The following SGCD variants were observed in gnomAD, a reference collection of about 807,000 sequenced individuals.
SGCD encodes sarcoglycan delta, also known as delta-sarcoglycan.
In SGCD, 18 loss-of-function variants were observed where a neutral mutation model predicts 36.6. The ratio of observed to expected loss-of-function variants is 0.49; its 90% confidence interval spans 0.34 to 0.73. SGCD has a LOEUF of 0.73. Ranked by LOEUF, SGCD falls within the 30% of genes least tolerant of loss-of-function variation. The pLI, the probability that SGCD is intolerant of heterozygous loss-of-function variation, is 0.01. For synonymous variants in SGCD, 133 were observed against 130.6 expected, an observed-to-expected ratio of 1.02 and a Z score of -0.12; for missense variants, 387 against 346.7, an observed-to-expected ratio of 1.12 and a Z score of -0.92.
chr5:155,835,079 C>G, the SGCD span, among the ~76,000 whole-genome samples: 1 of 142,116 alleles, frequency 7.0e-6, no homozygotes, highest in Non-Finnish European at 1.5e-5. Context: ...GTGATCTCGG[C>G]TCAACGCAAT....
chr5:156,232,599 G>C (rs1765047124), intron 3 of SGCD, among the ~76,000 whole-genome samples: 2 of 152,188 alleles, frequency 1.3e-5, no homozygotes, highest in Non-Finnish European at 2.9e-5. Flanking sequence ...TGTGACTGAT[G>C]TATACACCAT....
At chr5:156,635,442 G>C (rs1178984458) in intron 6 of SGCD, among the ~76,000 whole-genome samples, 1 of 152,148 alleles carries the variant, frequency 6.6e-6, no homozygotes, top group Non-Finnish European at 1.5e-5. Context: ...TGGTGGGACT[G>C]TAAACTAGTT....
At chr5:156,569,533 AG>A (rs1202468460) in intron 4 of SGCD, among the ~76,000 whole-genome samples, 2 of 151,948 alleles carry the variant, frequency 1.3e-5, no homozygotes, top group African/African-American at 2.4e-5. Flanking sequence ...CAGAGGTTGC[AG>A]TGAGCCAAGA....
At position 156,763,168 on chromosome 5, in the gene SGCD, G is replaced by A. The variant is rs1010133292; in HGVS notation, c.*3778G>A. The A allele has an allele frequency of 3.9e-5, 6 of 152,660 alleles. No homozygotes were observed. The highest frequency in any genetic ancestry group is 7.3e-5 in the Non-Finnish European group (5 of 68,072). The allele number at this position is 152,660 out of a possible 1,614,324, so 9.5% of individuals were successfully genotyped here. ...AGCATCATTGTGTAATGAGAGTGAA[G>A]TAGGGGACCCTGTGGTTCAACCTTA... On this transcript the variant is annotated 3_prime_UTR_variant, in exon 9 of 9. Coordinates refer to ENST00000337851, the MANE Select transcript of SGCD (RefSeq NM_000337.6).
chr5:155,833,067 A>AAAG, the SGCD span, among the ~76,000 whole-genome samples: 3 of 137,686 alleles, frequency 2.2e-5, no homozygotes, highest in African/African-American at 8.0e-5. Context: ...AAAAAAAAAA[A>AAAG]AAAAGAAAAA....
intron 6 of SGCD, among the ~76,000 whole-genome samples, chr5:156,621,461 G>A (rs1214242257): frequency 6.6e-6 from 1 of 152,192 alleles, no homozygotes; most frequent in East Asian, 1.9e-4. Flanking sequence ...AAAGTGCTGG[G>A]ATTACAGGCG....
At chr5:156,092,910 CTT>C (rs1761280601) in intron 1 of SGCD, among the ~76,000 whole-genome samples, 1 of 152,210 alleles carries the variant, frequency 6.6e-6, no homozygotes, top group Admixed American at 6.5e-5. Context: ...CCATTTGGTG[CTT>C]TGTGCTTCTG....
chr5:156,361,955 G>A (rs889584040), intron 3 of SGCD, among the ~76,000 whole-genome samples: 1 of 152,180 alleles, frequency 6.6e-6, no homozygotes, highest in Admixed American at 6.5e-5. Flanking sequence ...GCAAATTTTA[G>A]TAGAAGCCTA....
At chr5:156,144,657 G>A (rs1413857923) in intron 3 of SGCD, among the ~76,000 whole-genome samples, 3 of 152,146 alleles carry the variant, frequency 2.0e-5, no homozygotes, top group Non-Finnish European at 2.9e-5. Context: ...AGATGAGTAG[G>A]TTGCAAAAAT....
intron 3 of SGCD, among the ~76,000 whole-genome samples, chr5:156,407,410 G>A (rs1001259398): frequency 2.0e-5 from 3 of 152,176 alleles, no homozygotes; most frequent in Non-Finnish European, 2.9e-5. Flanking sequence ...TTCCTTTCCT[G>A]TTGCTGTTGA....
chr5:156,468,949 G>A (rs1389581619), intron 3 of SGCD, among the ~76,000 whole-genome samples: 3 of 152,256 alleles, frequency 2.0e-5, no homozygotes, highest in Admixed American at 1.3e-4. Flanking sequence ...CCGAGATGAC[G>A]CCACTGCACT....
rs576936516 is a variant in SGCD at position 156,464,938 on chromosome 5, T to G, written c.193-43663T>G. 2.7e-4 allele frequency among the ~76,000 whole-genome samples: 41 copies of G among 152,310 alleles called. No individual in the cohort carries two copies. The South Asian group carries it at 7.0e-3, about 26-fold the overall frequency. ...TGGCTTTAACATTACGGCATTTTTC[T>G]ATAGTTGAACCAAAATGCTACTTAG... On this transcript the variant is annotated intron_variant, in intron 3 of 8. Coordinates refer to ENST00000337851, the MANE Select transcript of SGCD (RefSeq NM_000337.6).
At chr5:155,857,218 C>T in the SGCD span, among the ~76,000 whole-genome samples, 1 of 152,166 alleles carries the variant, frequency 6.6e-6, no homozygotes, top group Non-Finnish European at 1.5e-5. Context: ...GCCTGGGCGA[C>T]AGCGCAAGAC....
At chr5:156,641,117 T>G (rs1763012061) in intron 6 of SGCD, among the ~76,000 whole-genome samples, 1 of 152,200 alleles carries the variant, frequency 6.6e-6, no homozygotes, top group Admixed American at 6.6e-5. Context: ...TGCCTATTAC[T>G]TTTAGGAGAA....
At chr5:155,735,342 T>G in the SGCD span, among the ~76,000 whole-genome samples, 1 of 152,218 alleles carries the variant, frequency 6.6e-6, no homozygotes, top group African/African-American at 2.4e-5. Context: ...TAATGTGATT[T>G]TATCTGTACA....
intron 3 of SGCD, among the ~76,000 whole-genome samples, chr5:156,195,954 C>T (rs955709314): frequency 1.3e-5 from 2 of 152,170 alleles, no homozygotes; most frequent in South Asian, 2.1e-4. Flanking sequence ...TCATGCCACC[C>T]GCTCCTGAGA....
chr5:156,519,314 C>T (rs1358372119), intron 4 of SGCD, among the ~76,000 whole-genome samples: 1 of 151,906 alleles, frequency 6.6e-6, no homozygotes, highest in Admixed American at 6.6e-5. Context: ...AGACCATTCA[C>T]GAGTTCTGAA....
chr5:156,039,196 A>G (rs747657108), intron 1 of SGCD, among the ~76,000 whole-genome samples: 13 of 152,124 alleles, frequency 8.5e-5, no homozygotes, highest in Non-Finnish European at 1.5e-4. Flanking sequence ...TGCTCCTGTC[A>G]TACCCTATGC....
intron 1 of SGCD, among the ~76,000 whole-genome samples, chr5:156,093,501 G>A (rs1761298038): frequency 6.6e-6 from 1 of 152,202 alleles, no homozygotes; most frequent in South Asian, 2.1e-4. Context: ...TAAGAATTCA[G>A]AGGGATCCTC....
Sources: allele counts gnomAD v4.1 joint callset (sites outside exome capture counted in the v4.1 genomes callset), GRCh38; gene constraint gnomAD v4.1.1; transcripts MANE v1.5; gene names NCBI Gene and HGNC (gene_info 2026-07-23, HGNC 2026-07-21).